Variants in FNIP1 observed in about 807,000 individuals in gnomAD.
FNIP1 encodes the protein folliculin interacting protein 1, also known as folliculin-interacting protein 1.
In FNIP1, 40 loss-of-function variants were observed where a neutral mutation model predicts 124.5. That is an observed-to-expected ratio of 0.32 (90% CI 0.25 to 0.42). FNIP1 has a LOEUF of 0.42. FNIP1 is among the 10% of genes least tolerant of loss of function. The probability of loss-of-function intolerance (pLI) is 1.00; values close to 1 mark genes in which losing one functional copy is unlikely to be tolerated. For missense variants in FNIP1, 1,176 were observed against 1,403.7 expected (o/e 0.84, Z 2.59); for synonymous variants, 472 against 470.6 (o/e 1.00, Z -0.04).
intron 11 of FNIP1, among the ~76,000 whole-genome samples, chr5:131,692,058 A>AGAAG (rs1388275290): frequency 6.6e-6 from 1 of 152,198 alleles, no homozygotes; most frequent in African/African-American, 2.4e-5. Context: ...AAGGAAGGAA[A>AGAAG]GAAGGAAGAC....
At chr5:131,733,403 T>C (rs1156920683) in intron 2 of FNIP1, among the ~76,000 whole-genome samples, 2 of 152,230 alleles carry the variant, frequency 1.3e-5, no homozygotes, top group Non-Finnish European at 2.9e-5. Flanking sequence ...CCTTGTTTTG[T>C]GCCAGTTTTC....
intron 8 of FNIP1, among the ~76,000 whole-genome samples, chr5:131,706,900 C>T (rs905321249): frequency 6.6e-5 from 10 of 152,202 alleles, no homozygotes; most frequent in African/African-American, 2.4e-4. Flanking sequence ...AAATCTGATG[C>T]TATTCAAACT....
chr5:131,750,272 A>G (rs995851985), intron 1 of FNIP1, among the ~76,000 whole-genome samples: 3 of 152,192 alleles, frequency 2.0e-5, no homozygotes, highest in Non-Finnish European at 4.4e-5. Flanking sequence ...ATAACAAAAG[A>G]AAATGGAGGC....
chr5:131,693,333 C>CATACAT (rs1768563853), intron 11 of FNIP1, among the ~76,000 whole-genome samples: 1 of 50,154 alleles, frequency 2.0e-5, no homozygotes, highest in East Asian at 4.6e-4. Flanking sequence ...TATATATATA[C>CATACAT]ATATATATAT....
chr5:131,731,708 G>A (rs191556879), intron 2 of FNIP1, among the ~76,000 whole-genome samples: 111 of 151,688 alleles, frequency 7.3e-4, no homozygotes, highest in Middle Eastern at 3.4e-3. Flanking sequence ...AGTTATCGAG[G>A]ATCCCAAGAG....
intron 15 of FNIP1, among the ~76,000 whole-genome samples, chr5:131,652,562 C>T (rs971949864): frequency 3.9e-5 from 6 of 152,126 alleles, no homozygotes; most frequent in African/African-American, 7.2e-5. Flanking sequence ...ACCATGGTCT[C>T]GATCTCCTAA....
At chr5:131,652,703 T>C (rs1230138679) in intron 15 of FNIP1, among the ~76,000 whole-genome samples, 1 of 152,134 alleles carries the variant, frequency 6.6e-6, no homozygotes, top group Non-Finnish European at 1.5e-5. Context: ...TTCACATCTA[T>C]ATAATCCCAG....
Position 131,716,621 on chromosome 5 carries a change from T to C in FNIP1, c.566A>G (p.Asn189Ser). The stretch of plus-strand genomic sequence containing the variant: ...GTTATTATCAGCCTTTAATGTATTG[T>C]TGTCCTGATTGATGAATTCAAGACT... ...QDSLEFINQD[N>S]NTLKADNNTV... The change falls in exon 6 of 18, where the codon AAC becomes AGC. Residue 189 changes from asparagine (N) to serine (S), a missense_variant. Asn to Ser is a conservative substitution (Grantham distance 46). Transcript: ENST00000510461. 1.2e-6 allele frequency: 2 copies of C among 1,605,568 alleles called. No homozygotes were observed. The highest frequency in any genetic ancestry group is 8.5e-7 in the Non-Finnish European group (1 of 1,176,390).
intron 10 of FNIP1, among the ~76,000 whole-genome samples, chr5:131,700,753 G>A (rs1229779444): frequency 6.6e-6 from 1 of 151,472 alleles, no homozygotes. Context: ...AAAAAAAATA[G>A]TCTGAAAACT....
At chr5:131,660,666 TTG>T (rs1272555001) in intron 15 of FNIP1, among the ~76,000 whole-genome samples, 4 of 152,352 alleles carry the variant, frequency 2.6e-5, no homozygotes, top group Non-Finnish European at 2.9e-5. Context: ...GTGGCTGGCC[TTG>T]TGTCTATTGA....
chr5:131,770,455 G>T (rs896975815), intron 1 of FNIP1, among the ~76,000 whole-genome samples: 2 of 152,150 alleles, frequency 1.3e-5, no homozygotes, highest in African/African-American at 2.4e-5. Context: ...AAACCAAGGG[G>T]TGCATCTGTG....
intron 11 of FNIP1, among the ~76,000 whole-genome samples, chr5:131,691,829 A>G (rs1324679777): frequency 6.6e-6 from 1 of 152,198 alleles, no homozygotes; most frequent in Non-Finnish European, 1.5e-5. Flanking sequence ...ATAATTATCT[A>G]CTCCTGGCAA....
intron 11 of FNIP1, among the ~76,000 whole-genome samples, chr5:131,686,871 T>C (rs1768293057): frequency 6.6e-6 from 1 of 151,950 alleles, no homozygotes; most frequent in African/African-American, 2.4e-5. Flanking sequence ...GGCCCCTGAA[T>C]AAAGTTTAAG....
chr5:131,772,624 T>A (rs1188688111), intron 1 of FNIP1, among the ~76,000 whole-genome samples: 2 of 152,126 alleles, frequency 1.3e-5, no homozygotes, highest in Non-Finnish European at 2.9e-5. Context: ...TTAATAGCTC[T>A]ATGTTTTGGC....
intron 2 of FNIP1, among the ~76,000 whole-genome samples, chr5:131,736,207 C>T (rs181181614): frequency 1.3e-5 from 2 of 152,254 alleles, no homozygotes; most frequent in African/African-American, 2.4e-5. Flanking sequence ...TGGCATCCTT[C>T]GCCACATCTT....
intron 1 of FNIP1, among the ~76,000 whole-genome samples, chr5:131,745,591 T>A (rs188530292): frequency 7.1e-4 from 108 of 152,184 alleles, no homozygotes; most frequent in Middle Eastern, 3.4e-3. Context: ...AATTTATATA[T>A]AAATTTAGTA....
intron 1 of FNIP1, among the ~76,000 whole-genome samples, chr5:131,749,319 G>A (rs1162796192): frequency 6.6e-6 from 1 of 151,430 alleles, no homozygotes; most frequent in Non-Finnish European, 1.5e-5. Context: ...GACTCACCCA[G>A]TAACTTCCAG....
intron 6 of FNIP1, among the ~76,000 whole-genome samples, chr5:131,712,967 T>G (rs770478282): frequency 1.3e-5 from 2 of 152,226 alleles, no homozygotes; most frequent in Non-Finnish European, 2.9e-5. Context: ...CAGTAATTGA[T>G]GCTGATTATA....
intron 1 of FNIP1, among the ~76,000 whole-genome samples, chr5:131,785,225 C>T (rs1284542606): frequency 6.8e-6 from 1 of 146,758 alleles, no homozygotes; most frequent in African/African-American, 2.5e-5. Flanking sequence ...CGCTATTGGG[C>T]AGGGCAAAAT....
Sources: allele counts gnomAD v4.1 joint callset (sites outside exome capture counted in the v4.1 genomes callset), GRCh38; gene constraint gnomAD v4.1.1; transcripts MANE v1.5; gene names NCBI Gene and HGNC (gene_info 2026-07-23, HGNC 2026-07-21).